Variants in LIN7C observed in about 807,000 individuals in gnomAD.
LIN7C encodes the protein protein lin-7 homolog C.
A neutral mutation model predicts 24.7 loss-of-function variants in LIN7C; 17 were observed. The ratio of observed to expected loss-of-function variants is 0.69; its 90% CI spans 0.47 to 1.03. The LOEUF (loss-of-function observed/expected upper bound fraction) is 1.03, where lower values mean the gene tolerates loss of function less well. LIN7C is among the 50% of genes least tolerant of loss of function. LIN7C has a pLI of 0.00. For missense variants in LIN7C, 204 were observed against 239.0 expected (o/e 0.85, Z 0.97); for synonymous variants, 90 against 83.4 (o/e 1.08, Z -0.43).
chr11:27,500,255 T>A (rs6484308), intron 3 of LIN7C, among the ~76,000 whole-genome samples: 5 of 151,920 alleles, frequency 3.3e-5, no homozygotes, highest in Admixed American at 6.5e-5. Context: ...GATCTGGATC[T>A]CCCAACTCCT....
chr11:27,495,001 T>A lies in LIN7C; in HGVS notation c.*3648A>T, dbSNP rs571282498. Reference sequence around the variant, plus strand: ...ATTCACAAACATGTAGTTTTTTAAGTCTACACCAGGTCATGCTGACATTCT... The same window carrying A: ...ATTCACAAACATGTAGTTTTTTAAGACTACACCAGGTCATGCTGACATTCT... On this transcript the variant is annotated 3_prime_UTR_variant, in exon 5 of 5. Coordinates refer to ENST00000278193, the MANE Select transcript of LIN7C (RefSeq NM_018362.4). The A allele has an allele frequency of 6.5e-6, 1 of 152,778 alleles. No homozygotes were observed. Among genetic ancestry groups the A allele is most frequent in the East Asian group, 1.9e-4 (1 of 5,180 alleles). The allele number at this position is 152,778 out of a possible 1,614,324, so 9.5% of individuals were successfully genotyped here. A position where few individuals can be genotyped will look rare whatever the true frequency, so the allele number is the denominator to read the frequency against.
rs572901189 is a variant in LIN7C, at chr11:27,506,613, C to A, written c.37+103G>T. The A allele has an allele frequency of 2.2e-5, 30 of 1,339,604 alleles. No individual in the cohort carries two copies. The East Asian group carries it at 6.2e-4, about 28-fold the overall frequency. 83.0% of individuals were successfully genotyped at this position (1,339,604 alleles called of 1,614,324 possible). ...CCTCTGGCGCCGGCACAAGGGACAGCGTGGCCCGGATCTCAGAGCCTGGGT... is the reference window on the plus strand; with the variant it reads ...CCTCTGGCGCCGGCACAAGGGACAGAGTGGCCCGGATCTCAGAGCCTGGGT... On this transcript the variant is annotated intron_variant, in intron 1 of 4. Coordinates refer to ENST00000278193, the MANE Select transcript of LIN7C (RefSeq NM_018362.4).
chr11:27,506,720 C>T lies in LIN7C; in HGVS notation c.33G>A (p.Glu11=). The T allele has an allele frequency of 6.2e-7, 1 of 1,614,100 alleles. No homozygotes were observed. Among genetic ancestry groups the T allele is most frequent in the Non-Finnish European group, 8.5e-7 (1 of 1,180,024 alleles). ...CCGAGCCTCGGCTGCACTCACCTCTCTCCAGCCGCACGGGTTCCCCTAGCG... is the reference window on the plus strand; with the variant it reads ...CCGAGCCTCGGCTGCACTCACCTCTTTCCAGCCGCACGGGTTCCCCTAGCG... MAALGEPVRL[E]RDICRAIELL... The change falls in exon 1 of 5, where the codon GAG becomes GAA. Residue 11 remains glutamate (E), a synonymous_variant. Transcript: ENST00000278193.
intron 3 of LIN7C, 71 bp from the exon 4 acceptor site, chr11:27,499,639 C>G: frequency 7.2e-7 from 1 of 1,381,652 alleles, no homozygotes; most frequent in Non-Finnish European, 1.0e-6. Flanking sequence ...TTGTTTCCCC[C>G]CGAGATGGAG....
rs574177886 is a variant in LIN7C, at chr11:27,499,563, A to C, written c.234T>G (p.Thr78=). 4 of 1,613,394 alleles carry C rather than the reference A, an allele frequency of 2.5e-6. No individual in the cohort carries two copies. In the African/African-American group the frequency reaches 5.3e-5, roughly 22 times the overall value. The part of the protein sequence containing the change: ...EVRANATAKA[T]VAAFAASEGH... ...CTTCACTGGCAGCAAATGCAGCAAC[A>C]GTAGCCTGAAAGAAAGTTTTACATA... The change falls in exon 4 of 5, where the codon ACT becomes ACG. Residue 78 remains threonine, a synonymous_variant. Coordinates refer to ENST00000278193, the MANE Select transcript of LIN7C (RefSeq NM_018362.4).
intron 1 of LIN7C, among the ~76,000 whole-genome samples, chr11:27,506,276 G>C (rs1298832015): frequency 1.3e-5 from 2 of 152,216 alleles, no homozygotes; most frequent in Non-Finnish European, 1.5e-5. Flanking sequence ...GAAGGAGTTT[G>C]TGTGCAAACA....
At chr11:27,506,292 G>C (rs926463167) in intron 1 of LIN7C, among the ~76,000 whole-genome samples, 1 of 152,246 alleles carries the variant, frequency 6.6e-6, no homozygotes, top group Admixed American at 6.5e-5. Flanking sequence ...AAACAGCGGG[G>C]AAAGGAGGTT....
At chr11:27,502,878 G>A (rs1465364056) in intron 1 of LIN7C, among the ~76,000 whole-genome samples, 4 of 152,186 alleles carry the variant, frequency 2.6e-5, no homozygotes, top group Admixed American at 2.0e-4. Context: ...TTGGGAGGCC[G>A]AGGCGGGTGG....
chr11:27,505,562 T>C (rs1468294868), intron 1 of LIN7C, among the ~76,000 whole-genome samples: 2 of 152,162 alleles, frequency 1.3e-5, no homozygotes, highest in Non-Finnish European at 2.9e-5. Flanking sequence ...AACAATCTCA[T>C]TTACAGTGAG....
chr11:27,501,208 C>T (rs1345156916), intron 3 of LIN7C, among the ~76,000 whole-genome samples: 1 of 151,962 alleles, frequency 6.6e-6, no homozygotes, highest in Non-Finnish European at 1.5e-5. Flanking sequence ...ATATATATAA[C>T]ATATACAACA....
At chr11:27,500,295 C>A (rs1865211323) in intron 3 of LIN7C, among the ~76,000 whole-genome samples, 1 of 152,166 alleles carries the variant, frequency 6.6e-6, no homozygotes, top group African/African-American at 2.4e-5. Flanking sequence ...ACACAACCTA[C>A]CTATATAATC....
Position 27,501,538 on chromosome 11 carries a change from TC to T in LIN7C, c.184del (p.Asp62ThrfsTer8). On this transcript the variant is annotated frameshift_variant, in exon 3 of 5. Coordinates refer to ENST00000278193, the MANE Select transcript of LIN7C (RefSeq NM_018362.4). LOFTEE classifies it high-confidence loss of function. Reference protein sequence around the residue: ...EVYEHVYETVDISSSPEVRAN... With the variant: ...EVYEHVYETVXISSSPEVRAN... ...TCTCACTTCAGGACTGCTACTGATG[TC>T]CACAGTCTCATAGACATGTTCATAT... 6.2e-7 allele frequency: 1 copy of T among 1,605,088 alleles called. No homozygotes were observed. The highest frequency in any genetic ancestry group is 8.5e-7 in the Non-Finnish European group (1 of 1,177,438).
chr11:27,506,562 A>T (rs747495701), intron 1 of LIN7C, among the ~76,000 whole-genome samples, 154 bp downstream of exon 1: 1 of 152,188 alleles, frequency 6.6e-6, no homozygotes, highest in African/African-American at 2.4e-5. Context: ...CGCCCTTCCT[A>T]GAGCCAGGCA....
In LIN7C at chr11:27,497,044, G is replaced by C. The variant is rs1865178063; in HGVS notation, c.*1605C>G. The C allele has an allele frequency of 6.6e-6, 1 of 152,410 alleles. No homozygotes were observed. The allele number at this position is 152,410 out of a possible 1,614,324, so 9.4% of individuals were successfully genotyped here. A position where few individuals can be genotyped will look rare whatever the true frequency, so the allele number is the denominator to read the frequency against. ...TTGAAAATTTACAATTTAACAACAT[G>C]ATCCTATCAATAACAAGCACATTTT... On this transcript the variant is annotated 3_prime_UTR_variant, in exon 5 of 5. Transcript: ENST00000278193.
At position 27,498,320 on chromosome 11, in the gene LIN7C, A is replaced by G. The variant is rs1246610638; in HGVS notation, c.*329T>C. The G allele has an allele frequency of 1.1e-5, 2 of 179,126 alleles. No homozygotes were observed. Among genetic ancestry groups the G allele is most frequent in the Non-Finnish European group, 2.3e-5 (2 of 86,716 alleles). The allele number at this position is 179,126 out of a possible 1,614,324, so 11.1% of individuals were successfully genotyped here. On this transcript the variant is annotated 3_prime_UTR_variant, in exon 5 of 5. Transcript: ENST00000278193. ...GAAAACTTTTCCTTTCTAAAAAAAG[A>G]TTAAGAATGTAAAAGTACATTTTAA...
chr11:27,497,065 A>AT lies in LIN7C; in HGVS notation c.*1583dup, dbSNP rs1243362618. ...ACATGATCCTATCAATAACAAGCAC[A>AT]TTTTGTAGTGGATTAAAGACACATT... On this transcript the variant is annotated 3_prime_UTR_variant, in exon 5 of 5. Coordinates refer to ENST00000278193, the MANE Select transcript of LIN7C (RefSeq NM_018362.4). 1 of 152,570 alleles carries AT rather than the reference A, an allele frequency of 6.6e-6. No individual in the cohort carries two copies. 9.5% of individuals were successfully genotyped at this position (152,570 alleles called of 1,614,324 possible). A position where few individuals can be genotyped will look rare whatever the true frequency, so the allele number is the denominator to read the frequency against.
intron 1 of LIN7C, 97 bp downstream of exon 1, chr11:27,506,619 C>T: frequency 7.1e-7 from 1 of 1,413,052 alleles, no homozygotes; most frequent in Non-Finnish European, 9.9e-7. Context: ...ACAGCGTGGC[C>T]CGGATCTCAG....
rs534638469 is a variant in LIN7C, at chr11:27,503,135, AAAAC to A, written c.38-1219_38-1216del. 7.8e-3 allele frequency among the ~76,000 whole-genome samples: 1,188 copies of A among 152,156 alleles called. 20 individuals carry two copies. Among genetic ancestry groups the A allele is most frequent in the Non-Finnish European group, 9.6e-3 (650 of 67,976 alleles). On this transcript the variant is annotated intron_variant, in intron 1 of 4. Coordinates refer to ENST00000278193, the MANE Select transcript of LIN7C (RefSeq NM_018362.4). The stretch of plus-strand genomic sequence containing the variant: ...CATCTACAAAAAACCAAACAAAACA[AAAAC>A]AAACAAACAAACAAAAAAAACCCTA...
intron 1 of LIN7C, among the ~76,000 whole-genome samples, chr11:27,505,267 G>A (rs765373434): frequency 1.3e-5 from 2 of 152,208 alleles, no homozygotes; most frequent in Non-Finnish European, 2.9e-5. Flanking sequence ...GGGAGGCAGA[G>A]GTTGCAGTGA....
Sources: allele counts gnomAD v4.1 joint callset (sites outside exome capture counted in the v4.1 genomes callset), GRCh38; gene constraint gnomAD v4.1.1; transcripts MANE v1.5; gene names NCBI Gene and HGNC (gene_info 2026-07-23, HGNC 2026-07-21).